SLC4A10: variants seen among roughly 807,000 people sequenced by gnomAD.
SLC4A10 encodes sodium-driven chloride bicarbonate exchanger.
In SLC4A10, 42 loss-of-function variants were observed where a neutral mutation model predicts 137.7. The observed-to-expected ratio is 0.30, with a 90% CI of 0.24 to 0.39. The LOEUF is 0.39. Ranked by LOEUF, SLC4A10 falls within the 10% of genes least tolerant of loss-of-function variation. The pLI is 1.00. For synonymous variants in SLC4A10, 474 were observed against 464.1 expected, an observed-to-expected ratio of 1.02 and a Z score of -0.27; for missense variants, 925 against 1,355.0, an observed-to-expected ratio of 0.68 and a Z score of 4.98.
intron 1 of SLC4A10, among the ~76,000 whole-genome samples, chr2:161,751,946 T>A (rs919439403): frequency 1.3e-5 from 2 of 151,880 alleles, no homozygotes; most frequent in Non-Finnish European, 2.9e-5. Context: ...CTCAGACCCT[T>A]TGTTAATAAA....
rs1283303387 is a variant in SLC4A10 at position 161,964,145 on chromosome 2, G to T, written c.2873G>T (p.Arg958Met). ...TGTTTAATCTTTTAGTTCTTTGATA[G>T]GATAAAGCTCTTCTGGATGCCGGCA... is the stretch of plus-strand genomic sequence containing the variant. Reference protein sequence around the residue: ...SSLKGIQFFDRIKLFWMPAKH... With the variant: ...SSLKGIQFFDMIKLFWMPAKH... The change falls in exon 22 of 27, where the codon AGG (arginine) becomes ATG (methionine). Residue 958 changes from arginine to methionine, a missense_variant. This residue lies in a region of SLC4A10 where 115 missense variants were observed against 237.5 expected (regional missense o/e 0.48). Transcript: ENST00000446997. 1 of 1,607,554 alleles carries T rather than the reference G, an allele frequency of 6.2e-7. No individual in the cohort carries two copies. Among genetic ancestry groups the T allele is most frequent in the Admixed American group, 1.7e-5 (1 of 59,084 alleles).
intron 1 of SLC4A10, among the ~76,000 whole-genome samples, chr2:161,642,050 T>A (rs1002905477): frequency 1.3e-5 from 2 of 151,954 alleles, no homozygotes; most frequent in Non-Finnish European, 2.9e-5. Context: ...CTTCACTATC[T>A]CTCCTAGCAA....
At chr2:161,829,581 T>C (rs2058288120) in intron 3 of SLC4A10, among the ~76,000 whole-genome samples, 3 of 152,190 alleles carry the variant, frequency 2.0e-5, no homozygotes, top group Admixed American at 2.0e-4. Context: ...TCTAAATTAT[T>C]CCACTTTGTT....
At chr2:161,679,696 T>TGA in intron 1 of SLC4A10, among the ~76,000 whole-genome samples, 1 of 150,592 alleles carries the variant, frequency 6.6e-6, no homozygotes, top group East Asian at 1.9e-4. Context: ...CGTGTGTGTG[T>TGA]GTGTGTGTGT....
intron 10 of SLC4A10, among the ~76,000 whole-genome samples, chr2:161,882,830 C>T (rs1250241091): frequency 6.6e-6 from 1 of 152,028 alleles, no homozygotes; most frequent in Non-Finnish European, 1.5e-5. Context: ...GTATACATGA[C>T]ACCAAAATGC....
intron 2 of SLC4A10, among the ~76,000 whole-genome samples, chr2:161,781,743 A>G (rs1033166572): frequency 1.9e-4 from 29 of 152,062 alleles, no homozygotes; most frequent in African/African-American, 6.8e-4. Flanking sequence ...AAACACACCA[A>G]TTCAGGAACA....
At chr2:161,926,581 G>C (rs1401330647) in intron 15 of SLC4A10, among the ~76,000 whole-genome samples, 4 of 146,452 alleles carry the variant, frequency 2.7e-5, no homozygotes, top group Non-Finnish European at 6.0e-5. Flanking sequence ...ATTGTTATGT[G>C]TGAATTTGAT....
intron 2 of SLC4A10, among the ~76,000 whole-genome samples, chr2:161,797,536 G>GT (rs5835881): frequency 0.2 from 29,173 of 147,240 alleles, 4,007 homozygotes; most frequent in African/African-American, 0.4. Flanking sequence ...TCGTTAGCCA[G>GT]TTTTTTTTTT....
At chr2:161,935,887 A>G (rs1348350553) in intron 15 of SLC4A10, among the ~76,000 whole-genome samples, 1 of 152,104 alleles carries the variant, frequency 6.6e-6, no homozygotes, top group African/African-American at 2.4e-5. Flanking sequence ...AAACCTTTCA[A>G]CTTTTCACCA....
At chr2:161,756,776 G>A (rs1384999428) in intron 1 of SLC4A10, among the ~76,000 whole-genome samples, 1 of 151,994 alleles carries the variant, frequency 6.6e-6, no homozygotes, top group African/African-American at 2.4e-5. Context: ...GATACTGTGA[G>A]TATTAATAGT....
chr2:161,654,083 TGTGAA>T (rs1395817161), intron 1 of SLC4A10, among the ~76,000 whole-genome samples: 3 of 152,298 alleles, frequency 2.0e-5, no homozygotes, highest in East Asian at 1.9e-4. Flanking sequence ...CCACCACAGG[TGTGAA>T]GTGATGTCTT....
At chr2:161,915,422 C>T (rs1049911134) in intron 15 of SLC4A10, among the ~76,000 whole-genome samples, 3 of 150,896 alleles carry the variant, frequency 2.0e-5, no homozygotes, top group Non-Finnish European at 3.0e-5. Context: ...TGAAACTTTT[C>T]AAAACTTTTG....
At chr2:161,819,987 A>G (rs1246270846) in intron 3 of SLC4A10, among the ~76,000 whole-genome samples, 3 of 152,216 alleles carry the variant, frequency 2.0e-5, no homozygotes, top group Non-Finnish European at 2.9e-5. Context: ...CCTCCCTGAA[A>G]AGAATCTAAT....
At chr2:161,650,686 G>C (rs1400773132) in intron 1 of SLC4A10, among the ~76,000 whole-genome samples, 1 of 152,208 alleles carries the variant, frequency 6.6e-6, no homozygotes, top group East Asian at 1.9e-4. Flanking sequence ...GCTGAGCCCA[G>C]GTGCGGTTGC....
In SLC4A10 at chr2:161,983,162, T is replaced by C. The variant is rs1238401957; in HGVS notation, c.*27-17T>C. 1 of 1,533,486 alleles carries C rather than the reference T, an allele frequency of 6.5e-7. No homozygotes were observed. The allele number at this position is 1,533,486 out of a possible 1,614,324, so 95.0% of individuals were successfully genotyped here. A position where few individuals can be genotyped will look rare whatever the true frequency, so the allele number is the denominator to read the frequency against. Reference sequence around the variant, plus strand: ...CTGGATTGCAGTAATAAATGTGTCCTTTTTTTCCTTCTGTAGCATTGAAAG... The same window carrying C: ...CTGGATTGCAGTAATAAATGTGTCCCTTTTTTCCTTCTGTAGCATTGAAAG... On this transcript the variant is annotated splice_polypyrimidine_tract_variant and intron_variant, in intron 26 of 26. Transcript: ENST00000446997.
chr2:161,857,856 A>G (rs2060192948), intron 5 of SLC4A10, among the ~76,000 whole-genome samples: 1 of 152,190 alleles, frequency 6.6e-6, no homozygotes, highest in African/African-American at 2.4e-5. Flanking sequence ...CTTTGCAGAA[A>G]TAAAAATAAT....
chr2:161,918,080 A>G (rs768273685), intron 15 of SLC4A10, among the ~76,000 whole-genome samples: 1 of 152,212 alleles, frequency 6.6e-6, no homozygotes, highest in Non-Finnish European at 1.5e-5. Context: ...CTTAGATTAT[A>G]GGAGAATTTG....
chr2:161,917,987 A>G (rs1254130991), intron 15 of SLC4A10, among the ~76,000 whole-genome samples: 9 of 152,228 alleles, frequency 5.9e-5, no homozygotes. Context: ...GTAAACCCCA[A>G]GACATCTAAT....
chr2:161,873,784 C>T, intron 7 of SLC4A10, 132 bp from the exon 8 acceptor site: 1 of 832,918 alleles, frequency 1.2e-6, no homozygotes, highest in Non-Finnish European at 1.9e-6. Context: ...GCTCCTTGGA[C>T]CTGTTTCAGA....
Sources: allele counts gnomAD v4.1 joint callset (sites outside exome capture counted in the v4.1 genomes callset), GRCh38; gene constraint gnomAD v4.1.1; regional missense constraint gnomAD v4.1.1; transcripts MANE v1.5; gene names NCBI Gene and HGNC (gene_info 2026-07-23, HGNC 2026-07-21).